The following ITGBL1 variants were observed in gnomAD, a reference collection of about 807,000 sequenced individuals.
ITGBL1 encodes integrin beta-like protein 1.
In ITGBL1, 51 loss-of-function variants were observed where a neutral mutation model predicts 68.5. The ratio of observed to expected loss-of-function variants is 0.74; its 90% CI spans 0.59 to 0.94. ITGBL1 has a LOEUF of 0.94. ITGBL1 is among the 40% of genes least tolerant of loss of function. ITGBL1 has a pLI of 0.00. For missense variants in ITGBL1, 649 were observed against 647.4 expected, an observed-to-expected ratio of 1.00 and a Z score of -0.03; for synonymous variants, 209 against 227.3, an observed-to-expected ratio of 0.92 and a Z score of 0.72.
At chr13:101,499,039 C>G (rs1454058403) in intron 2 of ITGBL1, among the ~76,000 whole-genome samples, 1 of 152,138 alleles carries the variant, frequency 6.6e-6, no homozygotes, top group Non-Finnish European at 1.5e-5. Context: ...TTATCTCCCT[C>G]TCACAACTCA....
intron 2 of ITGBL1, among the ~76,000 whole-genome samples, chr13:101,560,455 T>G (rs1225591848): frequency 6.6e-6 from 1 of 152,142 alleles, no homozygotes. Flanking sequence ...GAGAATAAAT[T>G]TTTAATACCT....
intron 7 of ITGBL1, among the ~76,000 whole-genome samples, chr13:101,603,444 AC>A (rs1029901488): frequency 3.9e-4 from 59 of 152,034 alleles, no homozygotes; most frequent in African/African-American, 1.4e-3. Context: ...TTCACCAGTA[AC>A]CCCAGACAGG....
chr13:101,613,362 C>A (rs561590527), intron 7 of ITGBL1, among the ~76,000 whole-genome samples: 1 of 152,278 alleles, frequency 6.6e-6, no homozygotes, highest in Admixed American at 6.5e-5. Context: ...TTCCCAGAAC[C>A]ACTCTCAGTG....
chr13:101,493,544 G>A (rs555328086), intron 2 of ITGBL1, among the ~76,000 whole-genome samples: 282 of 152,074 alleles, frequency 1.9e-3, no homozygotes, highest in African/African-American at 6.5e-3. Context: ...TTCTTTGTCC[G>A]GGACGTGCTT....
intron 2 of ITGBL1, among the ~76,000 whole-genome samples, chr13:101,511,619 G>A (rs2049117039): frequency 1.3e-5 from 2 of 152,138 alleles, no homozygotes; most frequent in Non-Finnish European, 2.9e-5. Context: ...GAGCTTCAAA[G>A]CAGCAGAGAC....
chr13:101,645,589 A>T (rs2032532408), intron 7 of ITGBL1, among the ~76,000 whole-genome samples: 1 of 152,174 alleles, frequency 6.6e-6, no homozygotes, highest in Non-Finnish European at 1.5e-5. Flanking sequence ...CGGGGAAATT[A>T]AGTATAATCA....
intron 7 of ITGBL1, among the ~76,000 whole-genome samples, chr13:101,637,582 A>G (rs2032218123): frequency 6.6e-6 from 1 of 152,046 alleles, no homozygotes; most frequent in Non-Finnish European, 1.5e-5. Context: ...TGATCTCCTG[A>G]TTCACCCGCC....
chr13:101,544,083 C>G (rs2049768789), intron 2 of ITGBL1, among the ~76,000 whole-genome samples: 1 of 152,206 alleles, frequency 6.6e-6, no homozygotes, highest in Non-Finnish European at 1.5e-5. Context: ...TAGCTTTGTT[C>G]TGTTGCTGGT....
intron 2 of ITGBL1, among the ~76,000 whole-genome samples, chr13:101,503,912 G>A (rs1176236499): frequency 6.6e-6 from 1 of 152,106 alleles, no homozygotes; most frequent in Non-Finnish European, 1.5e-5. Context: ...AGGAAGACAG[G>A]GAGTATTCAA....
Position 101,612,781 on chromosome 13 carries a change from AC to A in ITGBL1, c.1015+14486del, listed in dbSNP as rs1221673712. The stretch of plus-strand genomic sequence containing the variant: ...GGGTGAGCACAGGGCGACACTATTC[AC>A]CCCTGCTCATCTATTCATCAGTGAT... On this transcript the variant is annotated intron_variant, in intron 7 of 10. Transcript: ENST00000376180. Among the ~76,000 whole-genome samples the A allele has an allele frequency of 3.9e-5, 6 of 152,062 alleles. No individual in the cohort carries two copies. In the East Asian group the frequency reaches 1.2e-3, roughly 29 times the overall value.
intron 2 of ITGBL1, among the ~76,000 whole-genome samples, chr13:101,548,587 T>C (rs2049866718): frequency 6.6e-6 from 1 of 151,822 alleles, no homozygotes; most frequent in Admixed American, 6.6e-5. Context: ...AAGAAACATA[T>C]ATCCATGTCT....
At chr13:101,537,006 C>CA in intron 2 of ITGBL1, among the ~76,000 whole-genome samples, 1 of 151,752 alleles carries the variant, frequency 6.6e-6, no homozygotes, top group East Asian at 1.9e-4. Flanking sequence ...AACTTATCTA[C>CA]ATTTTAAAAT....
At chr13:101,544,167 T>C (rs2049770441) in intron 2 of ITGBL1, among the ~76,000 whole-genome samples, 1 of 152,180 alleles carries the variant, frequency 6.6e-6, no homozygotes, top group Non-Finnish European at 1.5e-5. Flanking sequence ...CTCTGTTTTT[T>C]CCCCATCTTT....
intron 2 of ITGBL1, among the ~76,000 whole-genome samples, chr13:101,522,024 G>A (rs1422957576): frequency 1.3e-5 from 2 of 151,716 alleles, no homozygotes; most frequent in South Asian, 4.2e-4. Flanking sequence ...AAAGAGAGAG[G>A]GAGGAAGAGG....
At chr13:101,541,100 G>A (rs1356562553) in intron 2 of ITGBL1, among the ~76,000 whole-genome samples, 3 of 146,688 alleles carry the variant, frequency 2.0e-5, no homozygotes, top group African/African-American at 7.6e-5. Context: ...TGTTGTATAG[G>A]AGTGGTGAGA....
At chr13:101,663,579 T>A (rs1193594243) in intron 7 of ITGBL1, among the ~76,000 whole-genome samples, 1 of 152,168 alleles carries the variant, frequency 6.6e-6, no homozygotes, top group Non-Finnish European at 1.5e-5. Flanking sequence ...ATCCTTACAA[T>A]AAACATGAAA....
chr13:101,690,166 G>A (rs1041137537), intron 7 of ITGBL1, among the ~76,000 whole-genome samples: 1 of 152,158 alleles, frequency 6.6e-6, no homozygotes, highest in Non-Finnish European at 1.5e-5. Flanking sequence ...TATGTGAATT[G>A]TTATTTATCA....
intron 8 of ITGBL1, among the ~76,000 whole-genome samples, chr13:101,695,284 A>G (rs1047846633): frequency 1.3e-5 from 2 of 152,182 alleles, no homozygotes; most frequent in Non-Finnish European, 2.9e-5. Flanking sequence ...GAAGTGGGGT[A>G]CAGTCAGAGA....
chr13:101,650,413 A>T (rs1011076048), intron 7 of ITGBL1, among the ~76,000 whole-genome samples: 1 of 152,032 alleles, frequency 6.6e-6, no homozygotes, highest in Admixed American at 6.6e-5. Flanking sequence ...TCTTCCTTTG[A>T]CAGTAATTTT....
Sources: gnomAD v4.1 joint callset for allele counts (sites outside exome capture counted in the v4.1 genomes callset) on GRCh38, gnomAD v4.1.1 for gene constraint, MANE v1.5 for transcripts, NCBI Gene and HGNC (gene_info 2026-07-23, HGNC 2026-07-21) for gene names.